LDB2: variants seen among roughly 807,000 people sequenced by gnomAD.
LDB2 encodes LIM domain-binding protein 2.
LDB2 carries 12 observed loss-of-function variants against 44.3 expected under a neutral mutation model. That is an observed-to-expected ratio of 0.27 (90% CI 0.17 to 0.44). The LOEUF is 0.44. LDB2 is among the 20% of genes least tolerant of loss of function. The pLI is 1.00. For missense variants in LDB2, 344 were observed against 473.5 expected, an observed-to-expected ratio of 0.73 and a Z score of 2.54; for synonymous variants, 164 against 174.8, an observed-to-expected ratio of 0.94 and a Z score of 0.49.
chr4:16,736,063 T>C (rs1426513031), intron 2 of LDB2, among the ~76,000 whole-genome samples: 4 of 152,156 alleles, frequency 2.6e-5, no homozygotes, highest in African/African-American at 7.2e-5. Flanking sequence ...GCACCAGCCA[T>C]CACTGGCCAG....
intron 1 of LDB2, among the ~76,000 whole-genome samples, chr4:16,771,246 T>C (rs540094973): frequency 5.9e-5 from 9 of 151,644 alleles, no homozygotes; most frequent in Non-Finnish European, 7.4e-5. Context: ...TTGGAAAAAA[T>C]GAAAAAAAAA....
At chr4:16,619,919 C>T (rs1341567272) in intron 2 of LDB2, among the ~76,000 whole-genome samples, 1 of 151,348 alleles carries the variant, frequency 6.6e-6, no homozygotes, top group Admixed American at 6.6e-5. Context: ...ATAAAGATAG[C>T]AGATAAAACA....
chr4:16,700,926 TATAA>T (rs953210283), intron 2 of LDB2, among the ~76,000 whole-genome samples: 1 of 152,226 alleles, frequency 6.6e-6, no homozygotes, highest in African/African-American at 2.4e-5. Context: ...ACAATACTAA[TATAA>T]ATAGCTCTCA....
chr4:16,800,062 C>G (rs956608586), intron 1 of LDB2, among the ~76,000 whole-genome samples: 3 of 151,820 alleles, frequency 2.0e-5, no homozygotes, highest in Non-Finnish European at 4.4e-5. Context: ...AGGTCCGGGA[C>G]GGGAAAGCTC....
intron 5 of LDB2, among the ~76,000 whole-genome samples, chr4:16,581,870 C>T (rs1259451363): frequency 2.0e-5 from 3 of 150,506 alleles, no homozygotes; most frequent in Admixed American, 6.6e-5. Context: ...GTTCTTACCC[C>T]ATATGGATGC....
chr4:16,775,690 T>C (rs994870178), intron 1 of LDB2, among the ~76,000 whole-genome samples: 2 of 152,116 alleles, frequency 1.3e-5, no homozygotes, highest in African/African-American at 4.8e-5. Context: ...TATCAGTGCC[T>C]CTTTGTTGGA....
intron 2 of LDB2, among the ~76,000 whole-genome samples, chr4:16,660,464 A>G (rs1741259744): frequency 6.6e-6 from 1 of 152,082 alleles, no homozygotes; most frequent in Non-Finnish European, 1.5e-5. Context: ...AGGTACATAT[A>G]GATAACCACA....
chr4:16,756,859 G>A (rs563174829), intron 2 of LDB2, among the ~76,000 whole-genome samples: 4 of 151,434 alleles, frequency 2.6e-5, no homozygotes, highest in South Asian at 2.1e-4. Context: ...AGACACCAGC[G>A]ATGGGGAGGA....
intron 5 of LDB2, among the ~76,000 whole-genome samples, chr4:16,513,501 T>A (rs1020268536): frequency 1.3e-5 from 2 of 152,234 alleles, no homozygotes; most frequent in Non-Finnish European, 1.5e-5. Context: ...GTTCCTAGTT[T>A]AACTCAAACG....
At chr4:16,728,000 G>T (rs184778378) in intron 2 of LDB2, among the ~76,000 whole-genome samples, 1 of 152,230 alleles carries the variant, frequency 6.6e-6, no homozygotes, top group Non-Finnish European at 1.5e-5. Flanking sequence ...AAGGTTTTCC[G>T]ACTCATCTTA....
At chr4:16,683,197 T>G (rs992840024) in intron 2 of LDB2, among the ~76,000 whole-genome samples, 1 of 152,216 alleles carries the variant, frequency 6.6e-6, no homozygotes, top group Non-Finnish European at 1.5e-5. Flanking sequence ...TATTTATCTC[T>G]AAATACATTC....
At position 16,641,393 on chromosome 4, in the gene LDB2, T is replaced by C. The variant is rs191445213; in HGVS notation, c.236-45518A>G. Among the ~76,000 whole-genome samples, 42 of 152,266 alleles carry C rather than the reference T, an allele frequency of 2.8e-4. 2 individuals are homozygous for C. The South Asian group carries it at 6.6e-3, about 24-fold the overall frequency. On this transcript the variant is annotated intron_variant, in intron 2 of 7. Transcript: ENST00000304523. ...GGGCACGGTAACTGTGTTAGTCTGTTTTGCTTTGCTATAAAGGGAGACTTG... is the reference window on the plus strand; with the variant it reads ...GGGCACGGTAACTGTGTTAGTCTGTCTTGCTTTGCTATAAAGGGAGACTTG...
chr4:16,596,012 T>TA, intron 2 of LDB2, 137 bp from the exon 3 acceptor site: 1 of 823,524 alleles, frequency 1.2e-6, no homozygotes, highest in East Asian at 2.7e-5. Flanking sequence ...AATTTCTCTT[T>TA]AAAAACAGCC....
intron 2 of LDB2, among the ~76,000 whole-genome samples, chr4:16,668,981 C>T (rs950569886): frequency 6.6e-6 from 1 of 152,226 alleles, no homozygotes; most frequent in African/African-American, 2.4e-5. Context: ...ACTTGGGTCA[C>T]ATGCTCATCT....
chr4:16,518,287 C>A (rs924995014), intron 5 of LDB2, among the ~76,000 whole-genome samples: 2 of 152,140 alleles, frequency 1.3e-5, no homozygotes, highest in Non-Finnish European at 2.9e-5. Flanking sequence ...ATCTCAGGAA[C>A]AGGTGGTGCT....
In LDB2 at chr4:16,898,525, G is replaced by A; in HGVS notation, c.-40C>T. On this transcript the variant is annotated 5_prime_UTR_variant, in exon 1 of 8. Coordinates refer to ENST00000304523, the MANE Select transcript of LDB2 (RefSeq NM_001290.5). ...GAAAATCAAGCTAAACAGAGTATCA[G>A]TAACGTCCATGCAGAGCACATGGGC... 6.2e-7 allele frequency: 1 copy of A among 1,609,972 alleles called. No individual in the cohort carries two copies. The highest frequency in any genetic ancestry group is 8.5e-7 in the Non-Finnish European group (1 of 1,177,600).
At chr4:16,551,067 T>C (rs1449195581) in intron 5 of LDB2, among the ~76,000 whole-genome samples, 1 of 152,198 alleles carries the variant, frequency 6.6e-6, no homozygotes, top group African/African-American at 2.4e-5. Flanking sequence ...TAGAAATTCA[T>C]ATATTATTTC....
rs1201959954 is a variant in LDB2 at position 16,806,615 on chromosome 4, G to A, written c.133-47355C>T. Among the ~76,000 whole-genome samples the A allele has an allele frequency of 3.9e-5, 3 of 76,618 alleles. No homozygotes were observed. In the East Asian group the frequency reaches 8.3e-4, roughly 21 times the overall value. 50.3% of individuals were successfully genotyped at this position (76,618 alleles called of 152,430 possible). ...TATCTGAAAAACTACTTTTGCAGGA[G>A]TTCATTCAGGACTCAGAAAGGCTAA... On this transcript the variant is annotated intron_variant, in intron 1 of 7. Coordinates refer to ENST00000304523, the MANE Select transcript of LDB2 (RefSeq NM_001290.5).
intron 2 of LDB2, among the ~76,000 whole-genome samples, chr4:16,708,276 G>A (rs1755064604): frequency 6.6e-6 from 1 of 152,036 alleles, no homozygotes; most frequent in Non-Finnish European, 1.5e-5. Context: ...GAGCCCAGCA[G>A]TTTGAGGCCA....
Sources: gnomAD v4.1 joint callset for allele counts (sites outside exome capture counted in the v4.1 genomes callset) on GRCh38, gnomAD v4.1.1 for gene constraint, MANE v1.5 for transcripts, NCBI Gene and HGNC (gene_info 2026-07-23, HGNC 2026-07-21) for gene names.